The following IRGM variants were observed in gnomAD, a reference collection of about 807,000 sequenced individuals.
IRGM encodes the protein immunity related GTPase M.
For synonymous variants in IRGM, 98 were observed against 80.6 expected, an observed-to-expected ratio of 1.22 and a Z score of -1.16; for missense variants, 288 against 219.9, an observed-to-expected ratio of 1.31 and a Z score of -1.96.
chr5:150,875,061 G>A (rs1449233325), intron 1 of IRGM, among the ~76,000 whole-genome samples: 11 of 152,314 alleles, frequency 7.2e-5, no homozygotes, highest in Admixed American at 2.6e-4. Flanking sequence ...GAAAGCACAC[G>A]TAAGTTACAT....
At chr5:150,854,777 C>T (rs1754028490) in intron 1 of IRGM, among the ~76,000 whole-genome samples, 1 of 152,060 alleles carries the variant, frequency 6.6e-6, no homozygotes, top group Non-Finnish European at 1.5e-5. Context: ...ACAATTTGTC[C>T]ACTATGGGTC....
intron 3 of IRGM, among the ~76,000 whole-genome samples, chr5:150,882,290 T>C (rs1350663396): frequency 6.7e-6 from 1 of 149,780 alleles, no homozygotes; most frequent in Non-Finnish European, 1.5e-5. Flanking sequence ...CTAAAAAAGA[T>C]AGCAAGAGAG....
chr5:150,897,262 T>C (rs1414494495), intron 3 of IRGM: 4 of 296,348 alleles, frequency 1.3e-5, no homozygotes, highest in Non-Finnish European at 2.5e-5. Context: ...GCTTTCTGAA[T>C]AGAAACCCCT....
chr5:150,895,250 T>C (rs989814012), intron 3 of IRGM: 5 of 517,410 alleles, frequency 9.7e-6, no homozygotes, highest in Non-Finnish European at 1.4e-5. Flanking sequence ...TCTTCATTTA[T>C]ATAACTATTT....
At chr5:150,868,702 A>G (rs554925769) in intron 1 of IRGM, among the ~76,000 whole-genome samples, 2 of 152,096 alleles carry the variant, frequency 1.3e-5, no homozygotes, top group East Asian at 3.9e-4. Flanking sequence ...TTGGTTAGGT[A>G]TATTCCTAAG....
chr5:150,901,107 A>G (rs1754981364), downstream of IRGM, among the ~76,000 whole-genome samples: 1 of 152,032 alleles, frequency 6.6e-6, no homozygotes, highest in Admixed American at 6.6e-5. Flanking sequence ...TCACTTCTGG[A>G]TGGTAGGGAA....
At chr5:150,867,137 C>A (rs1405449718) in intron 1 of IRGM, among the ~76,000 whole-genome samples, 3 of 152,066 alleles carry the variant, frequency 2.0e-5, no homozygotes, top group Non-Finnish European at 4.4e-5. Flanking sequence ...GTACACTGTA[C>A]CCAATGTGTA....
chr5:150,867,842 T>C (rs1407337156), intron 1 of IRGM, among the ~76,000 whole-genome samples: 3 of 151,928 alleles, frequency 2.0e-5, no homozygotes, highest in African/African-American at 7.3e-5. Context: ...TTTTTTTTTT[T>C]CTTGCTGATT....
chr5:150,864,785 C>G (rs1157627383), intron 1 of IRGM, among the ~76,000 whole-genome samples: 2 of 152,202 alleles, frequency 1.3e-5, no homozygotes, highest in Non-Finnish European at 2.9e-5. Context: ...ATTGTAAATG[C>G]AATTTCAATG....
chr5:150,857,740 C>T (rs1216259756), intron 1 of IRGM, among the ~76,000 whole-genome samples: 2 of 151,868 alleles, frequency 1.3e-5, no homozygotes, highest in East Asian at 1.9e-4. Flanking sequence ...TTGAGAAGTG[C>T]CTGTTCATGT....
Position 150,848,118 on chromosome 5 carries a change from T to C in IRGM, c.-6T>C. ...GCCTGGCCAGCATTGGGGTATTTTA[T>C]TGAAGATGGAAGCCATGAATGTTGA... On this transcript the variant is annotated 5_prime_UTR_variant, in exon 2 of 2. Transcript: ENST00000522154. 4 of 1,536,548 alleles carry C rather than the reference T, an allele frequency of 2.6e-6. No homozygotes were observed. Among genetic ancestry groups the C allele is most frequent in the Non-Finnish European group, 3.5e-6 (4 of 1,138,126 alleles).
At chr5:150,855,997 CAA>C (rs1408424554) in intron 1 of IRGM, among the ~76,000 whole-genome samples, 2 of 150,966 alleles carry the variant, frequency 1.3e-5, no homozygotes, top group Non-Finnish European at 2.9e-5. Context: ...CTTCAAAACT[CAA>C]GAGATTTTAA....
chr5:150,900,861 A>G (rs566226383), downstream of IRGM: 1 of 152,244 alleles, frequency 6.6e-6, no homozygotes, highest in African/African-American at 2.4e-5. Context: ...TCATTCTAAC[A>G]TTCTGATTTT....
Position 150,848,015 on chromosome 5 carries a change from A to G in IRGM, c.-109A>G, listed in dbSNP as rs1753902046. On this transcript the variant is annotated 5_prime_UTR_variant, in exon 2 of 2. It removes an upstream start codon present in the reference 5' UTR. Coordinates refer to ENST00000522154, the MANE Select transcript of IRGM (RefSeq NM_001145805.2). Reference sequence around the variant, plus strand: ...AGAAGGTTTCACGATGTTGGCCAGGATGGTCTCAATCTCCTGACCTCGTGA... The same window carrying G: ...AGAAGGTTTCACGATGTTGGCCAGGGTGGTCTCAATCTCCTGACCTCGTGA... 1.1e-5 allele frequency: 9 copies of G among 807,822 alleles called. No homozygotes were observed. Among genetic ancestry groups the G allele is most frequent in the South Asian group, 1.1e-4 (6 of 54,008 alleles). The allele number at this position is 807,822 out of a possible 1,614,324, so 50.0% of individuals were successfully genotyped here.
intron 3 of IRGM, among the ~76,000 whole-genome samples, chr5:150,884,855 C>T (rs188466751): frequency 2.5e-3 from 373 of 152,030 alleles, no homozygotes; most frequent in African/African-American, 8.7e-3. Flanking sequence ...ATTTTCTCCA[C>T]CCTGTAGGTT....
chr5:150,894,997 C>CCCTT, intron 3 of IRGM: 2 of 154,586 alleles, frequency 1.3e-5, no homozygotes, highest in East Asian at 3.7e-4. Context: ...ATGCTCAAGC[C>CCCTT]CCTTCTTAAA....
chr5:150,847,779 A>G lies in IRGM; in HGVS notation c.-345A>G, dbSNP rs1224615101. 3.9e-6 allele frequency: 1 copy of G among 253,426 alleles called. No individual in the cohort carries two copies. Among genetic ancestry groups the G allele is most frequent in the Non-Finnish European group, 7.7e-6 (1 of 130,320 alleles). The allele number at this position is 253,426 out of a possible 1,614,324, so 15.7% of individuals were successfully genotyped here. A position where few individuals can be genotyped will look rare whatever the true frequency, so the allele number is the denominator to read the frequency against. ...TCACACTCTATTAGCTGCATCCTTA[A>G]CCTCTTTTTGCCACACCATAAGCAT... On this transcript the variant is annotated 5_prime_UTR_variant, in exon 2 of 2. Coordinates refer to ENST00000522154, the MANE Select transcript of IRGM (RefSeq NM_001145805.2).
intron 1 of IRGM, among the ~76,000 whole-genome samples, chr5:150,872,942 C>T (rs577787844): frequency 9.9e-4 from 151 of 152,334 alleles, no homozygotes; most frequent in Admixed American, 1.8e-3. Flanking sequence ...GCATCTGCAT[C>T]CTTGAAGAGC....
At chr5:150,871,078 T>C (rs1754276643) in intron 1 of IRGM, among the ~76,000 whole-genome samples, 1 of 152,184 alleles carries the variant, frequency 6.6e-6, no homozygotes, top group African/African-American at 2.4e-5. Context: ...GGGCTTTATT[T>C]ACATACAAGG....
Sources: gnomAD v4.1 joint callset for allele counts (sites outside exome capture counted in the v4.1 genomes callset) on GRCh38, gnomAD v4.1.1 for gene constraint, MANE v1.5 for transcripts, NCBI Gene and HGNC (gene_info 2026-07-23, HGNC 2026-07-21) for gene names.